The following RBFOX1 variants were observed in gnomAD, a reference collection of about 807,000 sequenced individuals.
The protein encoded by RBFOX1 is RNA binding protein fox-1 homolog 1.
RBFOX1 carries 8 observed loss-of-function variants against 57.7 expected under a neutral mutation model. The observed-to-expected ratio is 0.14, with a 90% CI of 0.08 to 0.25. RBFOX1 has a LOEUF of 0.25. RBFOX1 is among the 10% of genes least tolerant of loss of function. RBFOX1 has a pLI of 1.00. For missense variants in RBFOX1, 611 were observed against 548.5 expected, an observed-to-expected ratio of 1.11 and a Z score of -1.14; for synonymous variants, 326 against 222.4, an observed-to-expected ratio of 1.47 and a Z score of -4.15.
In RBFOX1 at chr16:7,162,802, C is replaced by T. The variant is rs146348781; in HGVS notation, c.27+110704C>T. 2.0e-5 allele frequency among the ~76,000 whole-genome samples: 3 copies of T among 152,230 alleles called. No homozygotes were observed. The South Asian group carries it at 6.2e-4, about 32-fold the overall frequency. ...ATTGAAAACAGCTCTCCTCCTCCTC[C>T]TCTTTCTCCTTCTTCCTCATCTTTT... On this transcript the variant is annotated intron_variant, in intron 4 of 15. Transcript: ENST00000550418.
At chr16:7,257,063 C>T (rs1481182434) in intron 4 of RBFOX1, among the ~76,000 whole-genome samples, 2 of 152,160 alleles carry the variant, frequency 1.3e-5, no homozygotes, top group African/African-American at 4.8e-5. Flanking sequence ...AATTTCATTT[C>T]CCGTGTGTGT....
intron 14 of RBFOX1, among the ~76,000 whole-genome samples, chr16:7,687,611 C>T (rs191677043): frequency 0.015 from 2,338 of 152,062 alleles, 45 homozygotes; most frequent in African/African-American, 0.054. Context: ...GCACGTCTAG[C>T]AATTTTAACA....
At chr16:7,564,250 G>A (rs1184320824) in intron 5 of RBFOX1, among the ~76,000 whole-genome samples, 2 of 152,028 alleles carry the variant, frequency 1.3e-5, no homozygotes, top group Admixed American at 1.3e-4. Context: ...ACAGAAAAAA[G>A]GCACTCAAGC....
chr16:5,880,403 A>G (rs1435577328), intron 4 of RBFOX1, among the ~76,000 whole-genome samples: 1 of 152,224 alleles, frequency 6.6e-6, no homozygotes, highest in African/African-American at 2.4e-5. Flanking sequence ...CCAGAGGACA[A>G]GGATCTTTTA....
In RBFOX1 at chr16:6,177,407, C is replaced by A. The variant is rs547476164; in HGVS notation, c.-126-139588C>A. ...AGCCCTAGCTTTCATTGATTTTTTT[C>A]TTATTTGACTATTGGCTTATGATTT... On this transcript the variant is annotated intron_variant, in intron 1 of 15. Coordinates refer to ENST00000550418, the MANE Select transcript of RBFOX1 (RefSeq NM_018723.4). 2.9e-3 allele frequency among the ~76,000 whole-genome samples: 433 copies of A among 150,904 alleles called. 1 individual carries two copies. Among genetic ancestry groups the A allele is most frequent in the Non-Finnish European group, 5.3e-3 (361 of 67,700 alleles).
intron 3 of RBFOX1, among the ~76,000 whole-genome samples, chr16:5,784,583 G>C (rs2054436931): frequency 6.6e-6 from 1 of 152,130 alleles, no homozygotes; most frequent in Non-Finnish European, 1.5e-5. Context: ...CTCTTCATGA[G>C]AATTCCATCC....
chr16:6,565,312 A>G (rs1303110866), intron 2 of RBFOX1, among the ~76,000 whole-genome samples: 2 of 151,146 alleles, frequency 1.3e-5, no homozygotes, highest in African/African-American at 2.4e-5. Flanking sequence ...GCTGGAGCTC[A>G]GTGGCGCGAT....
rs78399117 is a variant in RBFOX1 at position 5,985,598 on chromosome 16, G to T, written c.351+118263G>T. ...AGCTCCAAGGCTAGAAGCCAGGACT[G>T]CCCCAGCAGCCCCCAGGGGAGGGGG... On this transcript the variant is annotated intron_variant, in intron 4 of 19. Coordinates refer to the RBFOX1 transcript ENST00000641259. 2.0e-5 allele frequency among the ~76,000 whole-genome samples: 3 copies of T among 152,280 alleles called. 1 individual carries two copies. In the Middle Eastern group the frequency reaches 0.01, roughly 518 times the overall value.
chr16:6,131,835 TCTC>T (rs2096631783), intron 1 of RBFOX1, among the ~76,000 whole-genome samples: 1 of 152,094 alleles, frequency 6.6e-6, no homozygotes, highest in Non-Finnish European at 1.5e-5. Context: ...GGTAACACAT[TCTC>T]CTGCCACTCT....
At chr16:5,589,167 A>G (rs2046927703) in intron 2 of RBFOX1, among the ~76,000 whole-genome samples, 1 of 152,158 alleles carries the variant, frequency 6.6e-6, no homozygotes, top group African/African-American at 2.4e-5. Context: ...ACCCACTGTA[A>G]GAAGCTGTTG....
intron 2 of RBFOX1, among the ~76,000 whole-genome samples, chr16:6,344,407 CTTT>C (rs60637926): frequency 9.1e-6 from 1 of 109,846 alleles, no homozygotes; most frequent in Non-Finnish European, 1.7e-5. Flanking sequence ...TCTTTTTTTT[CTTT>C]TTTTTTTTTG....
At chr16:6,375,863 C>G (rs1206856150) in intron 2 of RBFOX1, among the ~76,000 whole-genome samples, 1 of 152,138 alleles carries the variant, frequency 6.6e-6, no homozygotes, top group Non-Finnish European at 1.5e-5. Flanking sequence ...AAAACACACT[C>G]CCTTCTTGGC....
intron 2 of RBFOX1, among the ~76,000 whole-genome samples, chr16:6,546,868 C>G (rs2096903609): frequency 6.6e-6 from 1 of 152,180 alleles, no homozygotes; most frequent in Admixed American, 6.5e-5. Flanking sequence ...AGTTCAAACA[C>G]AGATCATGCC....
chr16:7,454,849 G>A (rs1286753655), intron 4 of RBFOX1, among the ~76,000 whole-genome samples: 6 of 152,196 alleles, frequency 3.9e-5, no homozygotes, highest in Non-Finnish European at 8.8e-5. Flanking sequence ...GATGGACCTA[G>A]GCGAGTTACA....
chr16:7,521,674 T>A (rs916055277), intron 5 of RBFOX1, among the ~76,000 whole-genome samples: 2 of 152,182 alleles, frequency 1.3e-5, no homozygotes, highest in African/African-American at 4.8e-5. Flanking sequence ...CGTGCCAAAT[T>A]CTAGCATATA....
intron 3 of RBFOX1, among the ~76,000 whole-genome samples, chr16:6,783,549 C>G (rs375124005): frequency 6.6e-6 from 1 of 151,830 alleles, no homozygotes; most frequent in Admixed American, 6.6e-5. Flanking sequence ...TACGCTTTAT[C>G]TCCATCTCCT....
chr16:7,300,150 C>T (rs2095997335), intron 4 of RBFOX1, among the ~76,000 whole-genome samples: 1 of 152,128 alleles, frequency 6.6e-6, no homozygotes, highest in South Asian at 2.1e-4. Context: ...GCTATGCTTC[C>T]CACAGCACTC....
chr16:6,189,864 A>G (rs550008034), intron 1 of RBFOX1, among the ~76,000 whole-genome samples: 1 of 152,190 alleles, frequency 6.6e-6, no homozygotes, highest in Admixed American at 6.5e-5. Flanking sequence ...TTTTCACTTG[A>G]TGTGATCCCA....
intron 4 of RBFOX1, among the ~76,000 whole-genome samples, chr16:7,419,635 C>A (rs552221433): frequency 1.3e-5 from 2 of 152,226 alleles, no homozygotes; most frequent in East Asian, 3.8e-4. Context: ...TCTCCGCAGC[C>A]CTCAGGGACA....
Sources: gnomAD v4.1 joint callset for allele counts (sites outside exome capture counted in the v4.1 genomes callset) on GRCh38, gnomAD v4.1.1 for gene constraint, MANE v1.5 for transcripts, NCBI Gene and HGNC (gene_info 2026-07-23, HGNC 2026-07-21) for gene names.